Variants in WDR70 observed in about 807,000 individuals in gnomAD.
WDR70 encodes the protein WD repeat domain 70.
A neutral mutation model predicts 88.6 loss-of-function variants in WDR70; 53 were observed. The observed-to-expected ratio is 0.60, with a 90% confidence interval of 0.48 to 0.75. WDR70 has a LOEUF of 0.75. Among genes scored for constraint, WDR70 ranks in the 30% least tolerant of loss-of-function variants. WDR70 has a pLI of 0.00. For missense variants in WDR70, 610 were observed against 823.2 expected (o/e 0.74, Z 3.17); for synonymous variants, 280 against 270.0 (o/e 1.04, Z -0.36).
chr5:37,509,168 T>C (rs1346114070), intron 8 of WDR70, among the ~76,000 whole-genome samples: 1 of 152,130 alleles, frequency 6.6e-6, no homozygotes, highest in Non-Finnish European at 1.5e-5. Context: ...ATTTATTTTC[T>C]CCTACTTGCC....
At position 37,454,489 on chromosome 5, in the gene WDR70, T is replaced by A. The variant is rs562710750; in HGVS notation, c.686+11117T>A. 2.0e-5 allele frequency among the ~76,000 whole-genome samples: 3 copies of A among 152,240 alleles called. No individual in the cohort carries two copies. The South Asian group carries it at 6.2e-4, about 32-fold the overall frequency. ...ATGAACAGTTACTTGATTAAAGAGT[T>A]TCAGAGTTCAAATAAATAAAAAAAG... On this transcript the variant is annotated intron_variant, in intron 7 of 17. Coordinates refer to ENST00000265107, the MANE Select transcript of WDR70 (RefSeq NM_018034.4).
intron 5 of WDR70, among the ~76,000 whole-genome samples, chr5:37,416,424 A>G (rs550096270): frequency 1.3e-5 from 2 of 152,084 alleles, no homozygotes; most frequent in African/African-American, 4.8e-5. Flanking sequence ...CAGGAGAATC[A>G]GGCAGGGAGG....
chr5:37,557,959 T>TTTGAAAAGTCTTCAA, intron 9 of WDR70, among the ~76,000 whole-genome samples: 1 of 146,506 alleles, frequency 6.8e-6, no homozygotes, highest in African/African-American at 2.5e-5. Context: ...AAAAGAGTAT[T>TTTGAAAAGTCTTCAA]ATGTATATTT....
At chr5:37,439,665 T>C (rs1162403015) in intron 6 of WDR70, among the ~76,000 whole-genome samples, 1 of 149,942 alleles carries the variant, frequency 6.7e-6, no homozygotes, top group South Asian at 2.1e-4. Flanking sequence ...TTGTTCTACA[T>C]GCAAATAAAT....
At chr5:37,390,987 A>G (rs1234646173) in intron 3 of WDR70, among the ~76,000 whole-genome samples, 1 of 152,170 alleles carries the variant, frequency 6.6e-6, no homozygotes, top group African/African-American at 2.4e-5. Context: ...AAGTGCTGGG[A>G]TTACAAGCAT....
At chr5:37,667,698 C>A (rs1416180840) in intron 10 of WDR70, among the ~76,000 whole-genome samples, 2 of 151,942 alleles carry the variant, frequency 1.3e-5, no homozygotes, top group Non-Finnish European at 2.9e-5. Flanking sequence ...TGAACAGTTG[C>A]AACAGAGTCT....
At chr5:37,538,092 C>T (rs886115271) in intron 9 of WDR70, among the ~76,000 whole-genome samples, 4 of 152,104 alleles carry the variant, frequency 2.6e-5, no homozygotes, top group African/African-American at 4.8e-5. Context: ...ATCAACTGCA[C>T]GTTTTATAAA....
chr5:37,622,219 C>A (rs1295638490), intron 10 of WDR70, among the ~76,000 whole-genome samples: 1 of 151,966 alleles, frequency 6.6e-6, no homozygotes, highest in African/African-American at 2.4e-5. Context: ...TTAGAATGGC[C>A]ATCATTAAAA....
chr5:37,423,127 C>T lies in WDR70; in HGVS notation c.493-14795C>T, dbSNP rs553660648. ...CAGTGACAAGGTAGTGTTCACAGTT[C>T]CAGATGTGAATAAATTCAAAGTAAA... On this transcript the variant is annotated intron_variant, in intron 5 of 17. Coordinates refer to ENST00000265107, the MANE Select transcript of WDR70 (RefSeq NM_018034.4). 2.0e-5 allele frequency among the ~76,000 whole-genome samples: 3 copies of T among 152,028 alleles called. No individual in the cohort carries two copies. In the South Asian group the frequency reaches 6.2e-4, roughly 32 times the overall value.
At chr5:37,542,857 CT>C (rs1226292015) in intron 9 of WDR70, among the ~76,000 whole-genome samples, 1 of 152,160 alleles carries the variant, frequency 6.6e-6, no homozygotes, top group Non-Finnish European at 1.5e-5. Context: ...AATTCTTCAT[CT>C]TTGCTTATAT....
intron 7 of WDR70, among the ~76,000 whole-genome samples, chr5:37,444,063 T>A (rs2112056962): frequency 6.6e-6 from 1 of 151,846 alleles, no homozygotes; most frequent in South Asian, 2.1e-4. Context: ...GCAGGAGAAT[T>A]GCTTGAACCC....
At chr5:37,573,161 GT>G (rs1179816350) in intron 9 of WDR70, among the ~76,000 whole-genome samples, 1 of 152,080 alleles carries the variant, frequency 6.6e-6, no homozygotes, top group Non-Finnish European at 1.5e-5. Flanking sequence ...TAACCTGTGG[GT>G]TTTTTTCTCC....
rs146839578 is a variant in WDR70 at position 37,570,066 on chromosome 5, C to T, written c.918-34998C>T. 4.8e-4 allele frequency among the ~76,000 whole-genome samples: 73 copies of T among 152,132 alleles called. 1 individual carries two copies. In the South Asian group the frequency reaches 1.0e-2, roughly 21 times the overall value. On this transcript the variant is annotated intron_variant, in intron 9 of 17. Transcript: ENST00000265107. ...GAGGGTAGACTGAAAGGAAGCAACA[C>T]TAGAGGCAGGGAGGCCAATTAGGAG... is the stretch of plus-strand genomic sequence containing the variant.
intron 8 of WDR70, chr5:37,506,793 C>T: frequency 7.4e-7 from 1 of 1,356,766 alleles, no homozygotes. Context: ...AGATAAAGTT[C>T]CATATACAGC....
chr5:37,522,863 C>T (rs1247001048), intron 9 of WDR70, among the ~76,000 whole-genome samples: 1 of 152,220 alleles, frequency 6.6e-6, no homozygotes, highest in East Asian at 1.9e-4. Context: ...GGTCCTGTGC[C>T]CACGGAGCCT....
At chr5:37,486,051 G>C (rs35426020) in intron 8 of WDR70, among the ~76,000 whole-genome samples, 39,354 of 151,536 alleles carry the variant, frequency 0.26, 5,716 homozygotes, top group East Asian at 0.48. Context: ...TACAACAAAA[G>C]TAGGTGTTGG....
At chr5:37,618,388 A>G (rs753968188) in intron 10 of WDR70, among the ~76,000 whole-genome samples, 3 of 152,172 alleles carry the variant, frequency 2.0e-5, no homozygotes, top group Non-Finnish European at 4.4e-5. Context: ...GTTTGTTTTG[A>G]GACAGAGACC....
intron 10 of WDR70, among the ~76,000 whole-genome samples, chr5:37,677,019 C>A (rs1411484726): frequency 6.6e-6 from 1 of 152,160 alleles, no homozygotes; most frequent in African/African-American, 2.4e-5. Context: ...AGTTTATTTG[C>A]ATAGAGGTGT....
At chr5:37,705,012 A>G (rs962722774) in intron 13 of WDR70, among the ~76,000 whole-genome samples, 1 of 151,530 alleles carries the variant, frequency 6.6e-6, no homozygotes, top group Non-Finnish European at 1.5e-5. Context: ...AGAAATTTAT[A>G]ATTTGGGAGA....
Sources: allele counts gnomAD v4.1 joint callset (sites outside exome capture counted in the v4.1 genomes callset), GRCh38; gene constraint gnomAD v4.1.1; transcripts MANE v1.5; gene names NCBI Gene and HGNC (gene_info 2026-07-23, HGNC 2026-07-21).